Variants in PAOX observed in about 807,000 individuals in gnomAD.
PAOX encodes the protein polyamine oxidase, also known as peroxisomal N(1)-acetyl-spermine/spermidine oxidase.
A neutral mutation model predicts 39.0 loss-of-function variants in PAOX; 38 were observed. That is an observed-to-expected ratio of 0.97 (90% CI 0.75 to 1.28). The LOEUF (loss-of-function observed/expected upper bound fraction) is 1.28. PAOX is among the 50% of genes most tolerant of loss of function. The probability of loss-of-function intolerance (pLI) is 0.00; values close to 1 mark genes in which losing one functional copy is unlikely to be tolerated. For synonymous variants in PAOX, 311 were observed against 314.4 expected (o/e 0.99, Z 0.11); for missense variants, 667 against 685.7 (o/e 0.97, Z 0.30).
chr10:133,389,921 TAC>T (rs1265182673), intron 6 of PAOX, among the ~76,000 whole-genome samples, 174 bp downstream of exon 6: 1 of 152,240 alleles, frequency 6.6e-6, no homozygotes, highest in African/African-American at 2.4e-5. Context: ...GTGAGAATTA[TAC>T]ACACACAGCT....
At position 133,391,559 on chromosome 10, in the gene PAOX, G is replaced by T. The variant is rs774718505; in HGVS notation, c.*104G>T. On this transcript the variant is annotated 3_prime_UTR_variant, in exon 7 of 7. Coordinates refer to ENST00000278060, the MANE Select transcript of PAOX (RefSeq NM_152911.4). ...CTTGAAATTTGGGGATGTTAATGAG[G>T]GTCCTCTGGTTTTTGGTAACCAGGG... is the stretch of plus-strand genomic sequence containing the variant. 4.8e-6 allele frequency: 7 copies of T among 1,456,414 alleles called. No individual in the cohort carries two copies. Among genetic ancestry groups the T allele is most frequent in the Admixed American group, 5.5e-5 (2 of 36,572 alleles). 90.2% of individuals were successfully genotyped at this position (1,456,414 alleles called of 1,614,324 possible).
intron 3 of PAOX, among the ~76,000 whole-genome samples, 187 bp from the exon 4 acceptor site, chr10:133,383,773 C>A (rs530066584): frequency 7.2e-5 from 11 of 152,316 alleles, no homozygotes; most frequent in Non-Finnish European, 7.3e-5. Context: ...GTGCTGCATG[C>A]ACTCTAGCCT....
At position 133,389,077 on chromosome 10, in the gene PAOX, TCAC is replaced by T; in HGVS notation, c.1234+13_1234+15del. On this transcript the variant is annotated intron_variant, in intron 5 of 6. Coordinates refer to ENST00000278060, the MANE Select transcript of PAOX (RefSeq NM_152911.4). ...GCTCCGGAGAGTGACAGGTAGGTAC[TCAC>T]CACACACGCTGGTTCCTGCCTCTGC... 1 of 1,589,762 alleles carries T rather than the reference TCAC, an allele frequency of 6.3e-7. No homozygotes were observed. Among genetic ancestry groups the T allele is most frequent in the South Asian group, 1.1e-5 (1 of 90,596 alleles).
intron 4 of PAOX, among the ~76,000 whole-genome samples, chr10:133,388,142 A>G (rs1849575193): frequency 6.6e-6 from 1 of 152,234 alleles, no homozygotes; most frequent in African/African-American, 2.4e-5. Flanking sequence ...TTTTTAATAT[A>G]TATATTTTAA....
rs960382301 is a variant in PAOX, at chr10:133,379,475, C to T, written c.159C>T (p.Arg53=). The T allele has an allele frequency of 9.0e-6, 11 of 1,225,784 alleles. No individual in the cohort carries two copies. Among genetic ancestry groups the T allele is most frequent in the Non-Finnish European group, 1.0e-5 (10 of 984,150 alleles). The allele number at this position is 1,225,784 out of a possible 1,614,324, so 75.9% of individuals were successfully genotyped here. A position where few individuals can be genotyped will look rare whatever the true frequency, so the allele number is the denominator to read the frequency against. Residue 53 remains arginine (R), a synonymous_variant, in exon 1 of 7, where the codon CGC becomes CGT. Coordinates refer to ENST00000278060, the MANE Select transcript of PAOX (RefSeq NM_152911.4). ...AGGCCACGGCCCGCGCCGGGGGCCG[C>T]ATCCGCTCGGAGCGCTGCTTCGGTA... ...VLEATARAGG[R]IRSERCFGGV...
In PAOX at chr10:133,391,343, A is replaced by G. The variant is rs1564815750; in HGVS notation, c.1424A>G (p.His475Arg). The G allele has an allele frequency of 1.9e-6, 3 of 1,613,478 alleles. No homozygotes were observed. Among genetic ancestry groups the G allele is most frequent in the East Asian group, 2.2e-5 (1 of 44,858 alleles). The change falls in exon 7 of 7, where the codon CAT (histidine) becomes CGT (arginine). Residue 475 changes from histidine to arginine, a missense_variant. Coordinates refer to ENST00000278060, the MANE Select transcript of PAOX (RefSeq NM_152911.4). ...ATCCTGTTTGCGGGGGAAGCCACAC[A>G]TCGCACGTTTTACTCCACGACGCAC... ...LQILFAGEAT[H>R]RTFYSTTHGA...
chr10:133,379,364 G>A lies in PAOX; in HGVS notation c.48G>A (p.Val16=). 1 of 1,219,760 alleles carries A rather than the reference G, an allele frequency of 8.2e-7. No individual in the cohort carries two copies. Among genetic ancestry groups the A allele is most frequent in the Non-Finnish European group, 1.0e-6 (1 of 980,428 alleles). The allele number at this position is 1,219,760 out of a possible 1,614,324, so 75.6% of individuals were successfully genotyped here. ...GGGAGGCCCCGGGCGGACCCCGGGT[G>A]CTGGTGGTGGGCGGCGGCATCGCGG... is the stretch of plus-strand genomic sequence containing the variant. ...SVGEAPGGPR[V]LVVGGGIAGL... Residue 16 remains valine (V), a synonymous_variant, in exon 1 of 7, where the codon GTG becomes GTA. Coordinates refer to ENST00000278060, the MANE Select transcript of PAOX (RefSeq NM_152911.4).
chr10:133,385,070 T>C lies in PAOX; in HGVS notation c.1121+858T>C, dbSNP rs373587974. ...CTGCACTTTGGGAGGCTGAGGCGGG[T>C]GGATCACCTGAGGTCAGGAGTTCGA... On this transcript the variant is annotated intron_variant, in intron 4 of 6. Transcript: ENST00000278060. Among the ~76,000 whole-genome samples the C allele has an allele frequency of 1.9e-3, 291 of 151,972 alleles. 1 individual carries two copies. The highest frequency in any genetic ancestry group is 6.5e-3 in the African/African-American group (270 of 41,480).
chr10:133,383,866 C>A, intron 3 of PAOX, 94 bp from the exon 4 acceptor site: 1 of 1,451,272 alleles, frequency 6.9e-7, no homozygotes, highest in Non-Finnish European at 9.3e-7. Flanking sequence ...GGATAAACAC[C>A]AGCAGGGGAA....
At position 133,391,311 on chromosome 10, in the gene PAOX, G is replaced by A; in HGVS notation, c.1393-1G>A. 1 of 1,613,442 alleles carries A rather than the reference G, an allele frequency of 6.2e-7. No individual in the cohort carries two copies. ...ATTCTAACCCTGGCTCTTCTTTGCA[G>A]CTCCAGATCCTGTTTGCGGGGGAAG... is the stretch of plus-strand genomic sequence containing the variant. On this transcript the variant is annotated splice_acceptor_variant, in intron 6 of 6. Coordinates refer to ENST00000278060, the MANE Select transcript of PAOX (RefSeq NM_152911.4). LOFTEE classifies it high-confidence loss of function.
chr10:133,380,068 C>A lies in PAOX; in HGVS notation c.251C>A (p.Ala84Asp). 1 of 1,529,616 alleles carries A rather than the reference C, an allele frequency of 6.5e-7. No individual in the cohort carries two copies. Among genetic ancestry groups the A allele is most frequent in the Non-Finnish European group, 8.8e-7 (1 of 1,141,426 alleles). The allele number at this position is 1,529,616 out of a possible 1,614,324, so 94.8% of individuals were successfully genotyped here. A position where few individuals can be genotyped will look rare whatever the true frequency, so the allele number is the denominator to read the frequency against. Residue 84 changes from alanine to aspartate, a missense_variant, in exon 2 of 7, where the codon GCT becomes GAT. Ala to Asp is a moderately radical substitution (Grantham distance 126). Coordinates refer to ENST00000278060, the MANE Select transcript of PAOX (RefSeq NM_152911.4). ...PSRGNPVFQLAAEYGLLGEKE... is the reference protein window; with the variant it reads ...PSRGNPVFQLDAEYGLLGEKE... ...CGGGGTAACCCCGTCTTCCAGCTGG[C>A]TGCTGAGTACGGGCTGCTGGGGGAG... is the stretch of plus-strand genomic sequence containing the variant.
At chr10:133,390,702 T>C (rs1219258635) in intron 6 of PAOX, 1 of 536,428 alleles carries the variant, frequency 1.9e-6, no homozygotes, top group Non-Finnish European at 3.3e-6. Context: ...ATGGTCTCTC[T>C]TCAGTGAACC....
chr10:133,383,804 A>T (rs866652224), intron 3 of PAOX, among the ~76,000 whole-genome samples, 156 bp from the exon 4 acceptor site: 6 of 152,148 alleles, frequency 3.9e-5, no homozygotes, highest in African/African-American at 1.4e-4. Context: ...GCAAGACCCT[A>T]TCTCAAAAAC....
At position 133,379,515 on chromosome 10, in the gene PAOX, A is replaced by C; in HGVS notation, c.181+18A>C. The C allele has an allele frequency of 8.2e-7, 1 of 1,224,298 alleles. No homozygotes were observed. 75.8% of individuals were successfully genotyped at this position (1,224,298 alleles called of 1,614,324 possible). A position where few individuals can be genotyped will look rare whatever the true frequency, so the allele number is the denominator to read the frequency against. On this transcript the variant is annotated intron_variant, in intron 1 of 6. Transcript: ENST00000278060. ...CTGCTTCGGTAACCGCCCCTCCCGGAGCCCCTCCCGGAACCCAACCGGCTG... is the reference window on the plus strand; with the variant it reads ...CTGCTTCGGTAACCGCCCCTCCCGGCGCCCCTCCCGGAACCCAACCGGCTG...
intron 3 of PAOX, chr10:133,383,032 C>T (rs1849432640): frequency 1.3e-5 from 2 of 151,820 alleles, no homozygotes; most frequent in Admixed American, 1.3e-4. Context: ...TATAAGGAGC[C>T]AGTTCACAAA....
At chr10:133,385,515 A>G (rs898317434) in intron 4 of PAOX, among the ~76,000 whole-genome samples, 1 of 152,054 alleles carries the variant, frequency 6.6e-6, no homozygotes. Context: ...TATACCTGCA[A>G]AGGGTTGGGG....
In PAOX at chr10:133,381,608, G is replaced by A; in HGVS notation, c.817G>A (p.Glu273Lys). The A allele has an allele frequency of 3.1e-6, 5 of 1,613,602 alleles. No individual in the cohort carries two copies. The highest frequency in any genetic ancestry group is 1.6e-4 in the Middle Eastern group (1 of 6,062). Residue 273 changes from glutamate to lysine, a missense_variant, in exon 3 of 7, where the codon GAG becomes AAG. By Grantham distance (56) the Glu-to-Lys change is moderately conservative. Coordinates refer to ENST00000278060, the MANE Select transcript of PAOX (RefSeq NM_152911.4). ...GETFPVSVEC[E>K]DGDRFPAHHV... Reference sequence around the variant, plus strand: ...GACCTTTCCAGTGTCGGTAGAGTGTGAGGATGGAGACCGGTTCCCGGCGCA... The same window carrying A: ...GACCTTTCCAGTGTCGGTAGAGTGTAAGGATGGAGACCGGTTCCCGGCGCA...
Position 133,380,172 on chromosome 10 carries a change from GGGGCCAGCGTGAGCCTCCA to G in PAOX, c.357_375del (p.Ala120TrpfsTer12), listed in dbSNP as rs1356351668. ...GCCCTCCGTGAGCTACGCCAGCTCC[GGGGCCAGCGTGAGCCTCCA>G]GCTGGTGGCGGAGATGGCGACTCTG... On this transcript the variant is annotated frameshift_variant, in exon 2 of 7. Coordinates refer to ENST00000278060, the MANE Select transcript of PAOX (RefSeq NM_152911.4). LOFTEE classifies it high-confidence loss of function. 6.2e-7 allele frequency: 1 copy of G among 1,610,628 alleles called. No homozygotes were observed. Among genetic ancestry groups the G allele is most frequent in the African/African-American group, 1.3e-5 (1 of 74,906 alleles).
At chr10:133,385,166 C>T (rs1397863427) in intron 4 of PAOX, among the ~76,000 whole-genome samples, 3 of 152,018 alleles carry the variant, frequency 2.0e-5, no homozygotes, top group African/African-American at 4.8e-5. Context: ...TGTGGTGGCA[C>T]GCACCTGTAA....
Sources: gnomAD v4.1 joint callset for allele counts (sites outside exome capture counted in the v4.1 genomes callset) on GRCh38, gnomAD v4.1.1 for gene constraint, MANE v1.5 for transcripts, NCBI Gene and HGNC (gene_info 2026-07-23, HGNC 2026-07-21) for gene names.